The following GPC6 variants were observed in gnomAD, a reference collection of about 807,000 sequenced individuals.
The protein encoded by GPC6 is glypican 6.
Under a neutral mutation model 55.2 loss-of-function variants are expected in GPC6, and 14 were observed. The ratio of observed to expected loss-of-function variants is 0.25; its 90% confidence interval spans 0.17 to 0.40. GPC6 has a LOEUF of 0.40. Ranked by LOEUF, GPC6 falls within the 10% of genes least tolerant of loss-of-function variation. The pLI, the probability that GPC6 is intolerant of heterozygous loss-of-function variation, is 1.00. For synonymous variants in GPC6, 278 were observed against 259.6 expected, an observed-to-expected ratio of 1.07 and a Z score of -0.68; for missense variants, 641 against 708.5, an observed-to-expected ratio of 0.90 and a Z score of 1.08.
chr13:94,393,152 G>A (rs1167711663), intron 7 of GPC6, among the ~76,000 whole-genome samples: 1 of 152,098 alleles, frequency 6.6e-6, no homozygotes, highest in Non-Finnish European at 1.5e-5. Context: ...CCTTATTTGA[G>A]ACCCTTGAAA....
At chr13:93,524,802 C>G (rs553718938) in intron 1 of GPC6, among the ~76,000 whole-genome samples, 2 of 152,028 alleles carry the variant, frequency 1.3e-5, no homozygotes, top group Non-Finnish European at 2.9e-5. Context: ...AAGCCCATAT[C>G]TTTAATTCTT....
chr13:93,900,184 G>A (rs974657573), intron 3 of GPC6, among the ~76,000 whole-genome samples: 4 of 151,868 alleles, frequency 2.6e-5, no homozygotes, highest in African/African-American at 9.7e-5. Context: ...AGAATCTTCA[G>A]CATTCAAATA....
At chr13:93,231,405 A>ACATATATATATGTATG (rs1876047085) in intron 1 of GPC6, among the ~76,000 whole-genome samples, 1 of 35,278 alleles carries the variant, frequency 2.8e-5, no homozygotes, top group African/African-American at 1.3e-4. Flanking sequence ...ATGTATATAT[A>ACATATATATATGTATG]TATATATATA....
chr13:93,881,292 G>A (rs61964366), intron 3 of GPC6, among the ~76,000 whole-genome samples: 41,487 of 151,958 alleles, frequency 0.27, 5,779 homozygotes, highest in East Asian at 0.34. Flanking sequence ...TTTATTTGCA[G>A]TGATAGGTGT....
the GPC6 span, among the ~76,000 whole-genome samples, chr13:93,219,206 G>C: frequency 6.6e-6 from 1 of 151,214 alleles, no homozygotes; most frequent in Non-Finnish European, 1.5e-5. Flanking sequence ...CAATTCTCCT[G>C]CCTTAGCCTC....
chr13:93,261,469 A>G (rs1169784504), intron 1 of GPC6, among the ~76,000 whole-genome samples: 2 of 152,172 alleles, frequency 1.3e-5, no homozygotes, highest in African/African-American at 4.8e-5. Flanking sequence ...TTTACTTGAA[A>G]CAGCTGGGTT....
rs371101355 is a variant in GPC6 at position 94,288,121 on chromosome 13, T to G, written c.1008+1642T>G. 2.1e-4 allele frequency among the ~76,000 whole-genome samples: 32 copies of G among 152,258 alleles called. 1 individual carries two copies. In the East Asian group the frequency reaches 3.7e-3, roughly 17 times the overall value. ...CATTCCAGCCCTCAGTAAGCTTACTTTCTAAAAGGAGAGACAAGACACTGA... is the reference window on the plus strand; with the variant it reads ...CATTCCAGCCCTCAGTAAGCTTACTGTCTAAAAGGAGAGACAAGACACTGA... On this transcript the variant is annotated intron_variant, in intron 5 of 8. Coordinates refer to ENST00000377047, the MANE Select transcript of GPC6 (RefSeq NM_005708.5).
chr13:94,318,130 A>T (rs1002889684), intron 6 of GPC6, among the ~76,000 whole-genome samples: 1 of 152,204 alleles, frequency 6.6e-6, no homozygotes, highest in African/African-American at 2.4e-5. Context: ...ATGGAAGAGT[A>T]GAGGGAAGAA....
chr13:93,304,474 G>T (rs1878789760), intron 1 of GPC6, among the ~76,000 whole-genome samples: 1 of 152,166 alleles, frequency 6.6e-6, no homozygotes, highest in Admixed American at 6.5e-5. Context: ...ATTTACCTCT[G>T]TCTTAACTTC....
intron 4 of GPC6, among the ~76,000 whole-genome samples, chr13:94,058,816 A>G (rs1884222509): frequency 6.6e-6 from 1 of 152,170 alleles, no homozygotes; most frequent in Admixed American, 6.6e-5. Flanking sequence ...GTGAAGCCAC[A>G]CATCCAAATT....
chr13:93,528,981 A>G (rs1881759928), intron 1 of GPC6, among the ~76,000 whole-genome samples: 1 of 152,140 alleles, frequency 6.6e-6, no homozygotes, highest in Non-Finnish European at 1.5e-5. Flanking sequence ...TGGACTGTCT[A>G]TCACAGTCCA....
chr13:93,660,521 A>T (rs1392923280), intron 2 of GPC6, among the ~76,000 whole-genome samples: 1 of 152,120 alleles, frequency 6.6e-6, no homozygotes, highest in African/African-American at 2.4e-5. Context: ...TTAGTTTTTT[A>T]AAAAAATCAT....
At chr13:94,088,684 G>C (rs1231020279) in intron 4 of GPC6, among the ~76,000 whole-genome samples, 1 of 152,080 alleles carries the variant, frequency 6.6e-6, no homozygotes, top group African/African-American at 2.4e-5. Flanking sequence ...AACCAGGCCT[G>C]ATTGAATCAG....
At chr13:93,870,604 T>C (rs1328108864) in intron 3 of GPC6, among the ~76,000 whole-genome samples, 1 of 151,836 alleles carries the variant, frequency 6.6e-6, no homozygotes, top group Non-Finnish European at 1.5e-5. Flanking sequence ...GATGTGACTA[T>C]ATCTGGAGAG....
intron 1 of GPC6, among the ~76,000 whole-genome samples, chr13:93,254,675 T>G (rs1284729774): frequency 1.3e-5 from 2 of 152,010 alleles, no homozygotes; most frequent in Admixed American, 6.6e-5. Context: ...AGTTTGCATA[T>G]GAAGATGTTT....
Position 93,337,502 on chromosome 13 carries a change from G to GT in GPC6, c.160+109887dup, listed in dbSNP as rs568018492. On this transcript the variant is annotated intron_variant, in intron 1 of 8. Coordinates refer to ENST00000377047, the MANE Select transcript of GPC6 (RefSeq NM_005708.5). ...TAAGTGCCATTGTCCTCACTTAAAG[G>GT]TAAAAAAAAAAGAAAAAAATCAGAG... 1.1e-4 allele frequency among the ~76,000 whole-genome samples: 17 copies of GT among 149,510 alleles called. No individual in the cohort carries two copies. In the East Asian group the frequency reaches 1.2e-3, roughly 10 times the overall value.
chr13:94,365,594 C>T (rs934749698), intron 6 of GPC6, among the ~76,000 whole-genome samples: 1 of 152,146 alleles, frequency 6.6e-6, no homozygotes, highest in Admixed American at 6.5e-5. Context: ...TTATGGCAAT[C>T]CGTCTCTACC....
At chr13:93,689,888 C>T (rs111767512) in intron 2 of GPC6, among the ~76,000 whole-genome samples, 14 of 152,164 alleles carry the variant, frequency 9.2e-5, no homozygotes, top group African/African-American at 3.1e-4. Context: ...AGTCCAGTGT[C>T]TTAGATTAGT....
chr13:93,454,232 C>T (rs1422494301), intron 1 of GPC6, among the ~76,000 whole-genome samples: 1 of 148,248 alleles, frequency 6.7e-6, no homozygotes, highest in Non-Finnish European at 1.5e-5. Flanking sequence ...GATCCCTGAG[C>T]TAGACATAAA....
Sources: allele counts gnomAD v4.1 joint callset (sites outside exome capture counted in the v4.1 genomes callset), GRCh38; gene constraint gnomAD v4.1.1; transcripts MANE v1.5; gene names NCBI Gene and HGNC (gene_info 2026-07-23, HGNC 2026-07-21).